The following SCHIP1 variants were observed in gnomAD, a reference collection of about 807,000 sequenced individuals.
The protein encoded by SCHIP1 is schwannomin-interacting protein 1.
Under a neutral mutation model 29.7 loss-of-function variants are expected in SCHIP1, and 8 were observed. The ratio of observed to expected loss-of-function variants is 0.27; its 90% CI spans 0.16 to 0.49. The LOEUF is 0.49. Ranked by LOEUF, SCHIP1 falls within the 20% of genes least tolerant of loss-of-function variation. The probability of loss-of-function intolerance (pLI) is 0.99; values close to 1 mark genes in which losing one functional copy is unlikely to be tolerated. For missense variants in SCHIP1, 193 were observed against 294.6 expected (o/e 0.66, Z 2.52); for synonymous variants, 76 against 94.9 (o/e 0.80, Z 1.16).
At chr3:159,719,583 C>T in the SCHIP1 span, among the ~76,000 whole-genome samples, 1 of 152,150 alleles carries the variant, frequency 6.6e-6, no homozygotes, top group Non-Finnish European at 1.5e-5. Flanking sequence ...AGGATATGAA[C>T]AGACATTTCT....
Position 159,842,997 on chromosome 3 carries a change from C to CTTTTTTTTTTTTTT in SCHIP1, c.30+2786_30+2787insTTTTTTTTTTTTTT, listed in dbSNP as rs1440922016. ...GCTCTCCAGTTCTATCCCAATATTT[C>CTTTTTTTTTTTTTT]TTTCTTTTTTTTTTTTTTTTTTTTT... On this transcript the variant is annotated intron_variant, in intron 1 of 6. Coordinates refer to ENST00000445224, the Ensembl canonical transcript of SCHIP1. Among the ~76,000 whole-genome samples, 441 of 61,614 alleles carry CTTTTTTTTTTTTTT rather than the reference C, an allele frequency of 7.2e-3. 78 individuals are homozygous for CTTTTTTTTTTTTTT. Among genetic ancestry groups the CTTTTTTTTTTTTTT allele is most frequent in the South Asian group, 0.012 (15 of 1,286 alleles). The allele number at this position is 61,614 out of a possible 152,430, so 40.4% of individuals were successfully genotyped here.
At chr3:159,824,136 G>C in the SCHIP1 span, among the ~76,000 whole-genome samples, 1 of 152,154 alleles carries the variant, frequency 6.6e-6, no homozygotes, top group Non-Finnish European at 1.5e-5. Flanking sequence ...CTTTCAGAAA[G>C]ATTCTTCATT....
At chr3:159,366,624 G>C in the SCHIP1 span, among the ~76,000 whole-genome samples, 1 of 152,086 alleles carries the variant, frequency 6.6e-6, no homozygotes, top group Non-Finnish European at 1.5e-5. Context: ...TTTGTGTCTA[G>C]ACTTGTCCCT....
chr3:159,511,999 C>T, the SCHIP1 span, among the ~76,000 whole-genome samples: 15 of 152,074 alleles, frequency 9.9e-5, no homozygotes, highest in South Asian at 2.1e-4. Context: ...TAAATTTGAC[C>T]GCGTTGAATT....
the SCHIP1 span, among the ~76,000 whole-genome samples, chr3:159,611,602 C>T: frequency 3.9e-5 from 6 of 152,040 alleles, no homozygotes; most frequent in Non-Finnish European, 2.9e-5. Flanking sequence ...ACCTAGATGA[C>T]GGGTTGATGG....
At chr3:159,453,377 C>T in the SCHIP1 span, among the ~76,000 whole-genome samples, 1 of 152,168 alleles carries the variant, frequency 6.6e-6, no homozygotes, top group African/African-American at 2.4e-5. Flanking sequence ...AAAGCGCTGC[C>T]TAAAGCTCAG....
the SCHIP1 span, among the ~76,000 whole-genome samples, chr3:159,611,299 C>T: frequency 6.6e-6 from 1 of 152,212 alleles, no homozygotes; most frequent in African/African-American, 2.4e-5. Flanking sequence ...GTAGGACACA[C>T]TCATGGTGCA....
chr3:159,403,116 T>A, the SCHIP1 span, among the ~76,000 whole-genome samples: 3 of 152,126 alleles, frequency 2.0e-5, no homozygotes, highest in Non-Finnish European at 2.9e-5. Context: ...ACAGCCCACA[T>A]ACTTTATCCA....
the SCHIP1 span, among the ~76,000 whole-genome samples, chr3:159,616,920 T>C: frequency 6.6e-6 from 1 of 152,156 alleles, no homozygotes; most frequent in Non-Finnish European, 1.5e-5. Flanking sequence ...TCAATAAAAT[T>C]AAAAATTTAA....
chr3:159,611,423 A>G, the SCHIP1 span, among the ~76,000 whole-genome samples: 1 of 151,816 alleles, frequency 6.6e-6, no homozygotes, highest in African/African-American at 2.4e-5. Flanking sequence ...GCAAACTAAC[A>G]CAGGAACAGA....
At chr3:159,331,612 C>T in the SCHIP1 span, among the ~76,000 whole-genome samples, 1 of 152,260 alleles carries the variant, frequency 6.6e-6, no homozygotes, top group Admixed American at 6.5e-5. Flanking sequence ...AACCCCTCTC[C>T]ATCCCCCTAC....
chr3:159,840,090 C>T (rs1368040330), exon 1 of SCHIP1: 40 of 1,525,854 alleles, frequency 2.6e-5, no homozygotes, highest in Non-Finnish European at 3.4e-5. Context: ...CTTACCAGGG[C>T]GTTCTCTCCG....
the SCHIP1 span, among the ~76,000 whole-genome samples, chr3:159,787,223 A>G: frequency 6.6e-6 from 1 of 152,230 alleles, no homozygotes; most frequent in South Asian, 2.1e-4. Context: ...ACTTCAAAGT[A>G]GCTCCCATAT....
the SCHIP1 span, among the ~76,000 whole-genome samples, chr3:159,499,121 G>A: frequency 6.6e-6 from 1 of 152,146 alleles, no homozygotes; most frequent in Non-Finnish European, 1.5e-5. Flanking sequence ...GCACTTGAAA[G>A]AATATCAAAG....
the SCHIP1 span, among the ~76,000 whole-genome samples, chr3:159,275,509 T>C: frequency 6.6e-6 from 1 of 152,186 alleles, no homozygotes; most frequent in African/African-American, 2.4e-5. Context: ...TTCAGAAATT[T>C]ATTTGATCTT....
chr3:159,567,066 T>C, the SCHIP1 span, among the ~76,000 whole-genome samples: 1 of 152,242 alleles, frequency 6.6e-6, no homozygotes, highest in African/African-American at 2.4e-5. Flanking sequence ...ATTTGTTAAA[T>C]GCTTTCTATT....
chr3:159,533,304 AG>A, the SCHIP1 span, among the ~76,000 whole-genome samples: 1 of 152,114 alleles, frequency 6.6e-6, no homozygotes, highest in Non-Finnish European at 1.5e-5. Context: ...GAGAAAACAG[AG>A]GGAAGCAAAG....
chr3:159,663,147 C>G, the SCHIP1 span, among the ~76,000 whole-genome samples: 2 of 152,176 alleles, frequency 1.3e-5, no homozygotes, highest in Admixed American at 6.6e-5. Context: ...TCCAAGAATT[C>G]TAGGTCTCCA....
At chr3:159,530,597 A>G in the SCHIP1 span, among the ~76,000 whole-genome samples, 945 of 152,274 alleles carry the variant, frequency 6.2e-3, 11 homozygotes, top group African/African-American at 0.022. Flanking sequence ...TGTACTGAGC[A>G]GATTTGCTCT....
Sources: allele counts gnomAD v4.1 joint callset (sites outside exome capture counted in the v4.1 genomes callset), GRCh38; gene constraint gnomAD v4.1.1; transcripts MANE v1.5; gene names NCBI Gene and HGNC (gene_info 2026-07-23, HGNC 2026-07-21).